The following KRR1 variants were observed in gnomAD, a reference collection of about 807,000 sequenced individuals.
The protein encoded by KRR1 is KRR1 small subunit processome component homolog.
In KRR1, 23 loss-of-function variants were observed where a neutral mutation model predicts 50.0. That is an observed-to-expected ratio of 0.46 (90% CI 0.33 to 0.65). KRR1 has a LOEUF of 0.65. Ranked by LOEUF, KRR1 falls within the 30% of genes least tolerant of loss-of-function variation. KRR1 has a pLI of 0.02. For missense variants in KRR1, 419 were observed against 442.4 expected, an observed-to-expected ratio of 0.95 and a Z score of 0.47; for synonymous variants, 133 against 146.3, an observed-to-expected ratio of 0.91 and a Z score of 0.66.
chr12:75,491,996 G>A lies in KRR1; in HGVS notation c.*7813C>T, dbSNP rs888380186. ...ACAAAGCGTCATTCTGAAGATGACA[G>A]CTTTGACTTAATATCTTAAGAGTTG... On this transcript the variant is annotated 3_prime_UTR_variant, in exon 10 of 10. Transcript: ENST00000229214. 3.9e-5 allele frequency: 6 copies of A among 151,994 alleles called. No individual in the cohort carries two copies. The highest frequency in any genetic ancestry group is 3.9e-4 in the Admixed American group (6 of 15,258). The allele number at this position is 151,994 out of a possible 1,614,324, so 9.4% of individuals were successfully genotyped here.
chr12:75,495,889 CAAA>C lies in KRR1; in HGVS notation c.*3917_*3919del. ...GTTCTAATTGGTCAAACAACAACAA[CAAA>C]AAAAACTGTCAGAAACTGTAGACTA... On this transcript the variant is annotated 3_prime_UTR_variant, in exon 10 of 10. Transcript: ENST00000229214. 1 of 312,540 alleles carries C rather than the reference CAAA, an allele frequency of 3.2e-6. No homozygotes were observed. The highest frequency in any genetic ancestry group is 5.8e-6 in the Non-Finnish European group (1 of 171,656). 19.4% of individuals were successfully genotyped at this position (312,540 alleles called of 1,614,324 possible).
rs1384151662 is a variant in KRR1 at position 75,504,032 on chromosome 12, G to GT, written c.702dup (p.Arg235ThrfsTer19). On this transcript the variant is annotated frameshift_variant, in exon 7 of 10. Transcript: ENST00000229214. LOFTEE classifies it high-confidence loss of function. Reference sequence around the variant, plus strand: ...AAAAATCTCTCCCAACTTTGTGATCGTAATTCAGAATCTTTTGCCAACTCT... The same window carrying GT: ...AAAAATCTCTCCCAACTTTGTGATCGTTAATTCAGAATCTTTTGCCAACTCT... 1 of 1,611,594 alleles carries GT rather than the reference G, an allele frequency of 6.2e-7. No homozygotes were observed. The highest frequency in any genetic ancestry group is 1.3e-5 in the African/African-American group (1 of 74,748).
At chr12:75,508,469 A>G (rs545816374) in intron 1 of KRR1, 23 bp from the exon 2 acceptor site, 1 of 1,563,126 alleles carries the variant, frequency 6.4e-7, no homozygotes, top group South Asian at 1.2e-5. Context: ...AAAAATTTAC[A>G]CATCACATTT....
rs905519152 is a variant in KRR1, at chr12:75,493,103, G to C, written c.*6706C>G. 1.3e-5 allele frequency: 2 copies of C among 152,120 alleles called. No homozygotes were observed. Among genetic ancestry groups the C allele is most frequent in the Non-Finnish European group, 2.9e-5 (2 of 68,028 alleles). The allele number at this position is 152,120 out of a possible 1,614,324, so 9.4% of individuals were successfully genotyped here. A position where few individuals can be genotyped will look rare whatever the true frequency, so the allele number is the denominator to read the frequency against. On this transcript the variant is annotated 3_prime_UTR_variant, in exon 10 of 10. Coordinates refer to ENST00000229214, the MANE Select transcript of KRR1 (RefSeq NM_007043.7). ...TCGGTCTGCTAAACAGATGAAACGG[G>C]GGGAGGAAGGCAGTTGCAGATCTAG...
rs1290092485 is a variant in KRR1 at position 75,492,786 on chromosome 12, T to G, written c.*7023A>C. On this transcript the variant is annotated 3_prime_UTR_variant, in exon 10 of 10. Coordinates refer to ENST00000229214, the MANE Select transcript of KRR1 (RefSeq NM_007043.7). ...GAGAACAGGGCAGTCTCTGTCTTTA[T>G]GAGAGTAATATTTATGGGGCAAACA... The G allele has an allele frequency of 6.6e-6, 1 of 152,228 alleles. No homozygotes were observed. Among genetic ancestry groups the G allele is most frequent in the African/African-American group, 2.4e-5 (1 of 41,448 alleles). The allele number at this position is 152,228 out of a possible 1,614,324, so 9.4% of individuals were successfully genotyped here.
At chr12:75,508,471 A>G (rs893369749) in intron 1 of KRR1, 25 bp from the exon 2 acceptor site, 41 of 1,556,350 alleles carry the variant, frequency 2.6e-5, no homozygotes, top group Non-Finnish European at 3.4e-5. Flanking sequence ...AAATTTACAC[A>G]TCACATTTTA....
intron 9 of KRR1, 85 bp downstream of exon 9, chr12:75,501,638 C>T: frequency 2.4e-6 from 2 of 846,336 alleles, no homozygotes; most frequent in Non-Finnish European, 3.8e-6. Flanking sequence ...AAAGATACAA[C>T]TGTTTCTTAA....
Position 75,495,564 on chromosome 12 carries a change from T to TTC in KRR1, c.*4243_*4244dup. The TTC allele has an allele frequency of 1.3e-6, 2 of 1,517,622 alleles. No homozygotes were observed. The highest frequency in any genetic ancestry group is 1.8e-6 in the Non-Finnish European group (2 of 1,093,078). The allele number at this position is 1,517,622 out of a possible 1,614,324, so 94.0% of individuals were successfully genotyped here. Reference sequence around the variant, plus strand: ...GAAAAACTTCTAATGGACATCCTTCTTCTGCTTTACAGAGGGAATTACCCA... The same window carrying TTC: ...GAAAAACTTCTAATGGACATCCTTCTTCTCTGCTTTACAGAGGGAATTACCCA... On this transcript the variant is annotated 3_prime_UTR_variant, in exon 10 of 10. Coordinates refer to ENST00000229214, the MANE Select transcript of KRR1 (RefSeq NM_007043.7).
intron 7 of KRR1, chr12:75,502,876 C>CCTAA (rs1227516805): frequency 1.3e-5 from 2 of 151,970 alleles, no homozygotes; most frequent in African/African-American, 4.8e-5. Context: ...CCACTTTCCC[C>CCTAA]CTAACTACTA....
chr12:75,506,935 A>C lies in KRR1; in HGVS notation c.259-19T>G. 1 of 1,566,204 alleles carries C rather than the reference A, an allele frequency of 6.4e-7. No individual in the cohort carries two copies. The highest frequency in any genetic ancestry group is 8.6e-7 in the Non-Finnish European group (1 of 1,164,408). On this transcript the variant is annotated intron_variant, in intron 2 of 9. Coordinates refer to ENST00000229214, the MANE Select transcript of KRR1 (RefSeq NM_007043.7). ...TAACATGCTACAGAAGGAAAGAGCA[A>C]ACAAGCAGTTGTCTAAAAATGAGTT...
chr12:75,505,773 C>T (rs2046419148), intron 5 of KRR1, among the ~76,000 whole-genome samples: 1 of 151,994 alleles, frequency 6.6e-6, no homozygotes, highest in African/African-American at 2.4e-5. Flanking sequence ...GTAATAGTAC[C>T]AAAAGGAGTT....
rs146708628 is a variant in KRR1, at chr12:75,510,832, T to C, written c.85+681A>G. Among the ~76,000 whole-genome samples, 1,185 of 152,318 alleles carry C rather than the reference T, an allele frequency of 7.8e-3. 14 individuals carry two copies. Among genetic ancestry groups the C allele is most frequent in the African/African-American group, 0.027 (1,128 of 41,568 alleles). ...AAAGAAACTTTGAATACTTTCCCAATGCATCTAAATTGAGAGTTCAATGTT... is the reference window on the plus strand; with the variant it reads ...AAAGAAACTTTGAATACTTTCCCAACGCATCTAAATTGAGAGTTCAATGTT... On this transcript the variant is annotated intron_variant, in intron 1 of 9. Coordinates refer to ENST00000229214, the MANE Select transcript of KRR1 (RefSeq NM_007043.7).
At chr12:75,508,470 C>T (rs759246187) in intron 1 of KRR1, 24 bp from the exon 2 acceptor site, 7 of 1,560,908 alleles carry the variant, frequency 4.5e-6, no homozygotes, top group African/African-American at 1.4e-5. Flanking sequence ...AAAATTTACA[C>T]ATCACATTTT....
chr12:75,506,547 C>T lies in KRR1; in HGVS notation c.456G>A (p.Arg152=), dbSNP rs2046422502. The T allele has an allele frequency of 1.3e-6, 2 of 1,587,296 alleles. No individual in the cohort carries two copies. Among genetic ancestry groups the T allele is most frequent in the Non-Finnish European group, 1.7e-6 (2 of 1,166,302 alleles). The change falls in exon 4 of 10, where the codon AGG becomes AGA. Residue 152 remains arginine, a synonymous_variant. Transcript: ENST00000229214. ...TTCGTTTTACAAATCTCTCTTTATT[C>T]CTTACTAAAGAACCTATTTTAATGA... ...CDIIKIGSLV[R]NKERFVKRRQ... is the part of the protein sequence containing the mutation.
Position 75,498,732 on chromosome 12 carries a change from A to AATCT in KRR1, c.*1073_*1076dup. On this transcript the variant is annotated 3_prime_UTR_variant, in exon 10 of 10. Transcript: ENST00000229214. ...AGACCAAGTCAAACGTACGTACATC[A>AATCT]ATCTTAAATTGTTTCATTAAGAGCT... 6.2e-7 allele frequency: 1 copy of AATCT among 1,611,610 alleles called. No individual in the cohort carries two copies. Among genetic ancestry groups the AATCT allele is most frequent in the Non-Finnish European group, 8.5e-7 (1 of 1,178,070 alleles).
chr12:75,504,185 T>G (rs2046412090), intron 6 of KRR1, 111 bp from the exon 7 acceptor site: 3 of 696,776 alleles, frequency 4.3e-6, no homozygotes, highest in African/African-American at 1.8e-5. Flanking sequence ...AGTTCCTAGT[T>G]TCTTTGGTGA....
intron 1 of KRR1, among the ~76,000 whole-genome samples, chr12:75,509,586 CTT>C (rs895198427): frequency 5.6e-4 from 73 of 131,158 alleles, no homozygotes; most frequent in Admixed American, 5.5e-4. Context: ...ATACACATTT[CTT>C]TTTTTTTTTT....
At position 75,498,862 on chromosome 12, in the gene KRR1, C is replaced by G; in HGVS notation, c.*947G>C. 1 of 1,611,042 alleles carries G rather than the reference C, an allele frequency of 6.2e-7. No individual in the cohort carries two copies. Among genetic ancestry groups the G allele is most frequent in the Non-Finnish European group, 8.5e-7 (1 of 1,177,590 alleles). On this transcript the variant is annotated 3_prime_UTR_variant, in exon 10 of 10. Transcript: ENST00000229214. ...TGTATATCCAGGCTGGCCCATATAT[C>G]CACGTAACAGATACACTTCTCTCTT...
rs1166730207 is a variant in KRR1, at chr12:75,497,883, TA to T, written c.*1925del. On this transcript the variant is annotated 3_prime_UTR_variant, in exon 10 of 10. Coordinates refer to ENST00000229214, the MANE Select transcript of KRR1 (RefSeq NM_007043.7). ...TTTCAATAGTTGAATATTGAACATT[TA>T]AAAATATATATAAAAAAAAATAACT... is the stretch of plus-strand genomic sequence containing the variant. 1 of 134,906 alleles carries T rather than the reference TA, an allele frequency of 7.4e-6. No individual in the cohort carries two copies. The highest frequency in any genetic ancestry group is 1.7e-5 in the Non-Finnish European group (1 of 59,140). 8.4% of individuals were successfully genotyped at this position (134,906 alleles called of 1,614,324 possible). A position where few individuals can be genotyped will look rare whatever the true frequency, so the allele number is the denominator to read the frequency against.
Sources: allele counts gnomAD v4.1 joint callset (sites outside exome capture counted in the v4.1 genomes callset), GRCh38; gene constraint gnomAD v4.1.1; transcripts MANE v1.5; gene names NCBI Gene and HGNC (gene_info 2026-07-23, HGNC 2026-07-21).